Variants in LAMB3 observed in about 807,000 individuals in gnomAD.
The protein encoded by LAMB3 is laminin subunit beta 3, also known as laminin subunit beta-3.
In LAMB3, 104 loss-of-function variants were observed where a neutral mutation model predicts 140.3. The ratio of observed to expected loss-of-function variants is 0.74; its 90% CI spans 0.63 to 0.87. The LOEUF (loss-of-function observed/expected upper bound fraction) is 0.87, where lower values mean the gene tolerates loss of function less well. LAMB3 is among the 40% of genes least tolerant of loss of function. The pLI is 0.00. For missense variants in LAMB3, 1,531 were observed against 1,575.2 expected, an observed-to-expected ratio of 0.97 and a Z score of 0.47; for synonymous variants, 592 against 602.9, an observed-to-expected ratio of 0.98 and a Z score of 0.26.
chr1:209,649,839 C>T, intron 3 of LAMB3, 125 bp downstream of exon 3: 1 of 1,082,310 alleles, frequency 9.2e-7, no homozygotes, highest in Non-Finnish European at 1.4e-6. Context: ...TTACTGCACT[C>T]CCCAGTCCGT....
intron 9 of LAMB3, 106 bp downstream of exon 9, chr1:209,630,509 A>T (rs763425481): frequency 6.3e-6 from 8 of 1,275,294 alleles, no homozygotes; most frequent in Non-Finnish European, 4.5e-6. Flanking sequence ...TTAGATTTAC[A>T]TAAGAAAGAC....
Position 209,625,915 on chromosome 1 carries a change from C to G in LAMB3, c.1709G>C (p.Gly570Ala). ...TGPRCDQCQR[G>A]YCNRYPVCVA... is the part of the protein sequence containing the mutation. ...GCACACCGGGTAGCGATTACAGTAG[C>G]CTCGCTGGCACTGGTCACAGCGGGG... is the stretch of plus-strand genomic sequence containing the variant. The change falls in exon 14 of 23, where the codon GGC (glycine) becomes GCC (alanine). Residue 570 changes from glycine (G) to alanine (A), a missense_variant. Coordinates refer to ENST00000356082, the MANE Select transcript of LAMB3 (RefSeq NM_000228.3). 1.9e-6 allele frequency: 3 copies of G among 1,613,832 alleles called. No individual in the cohort carries two copies. The highest frequency in any genetic ancestry group is 2.5e-6 in the Non-Finnish European group (3 of 1,179,898).
intron 13 of LAMB3, 91 bp downstream of exon 13, chr1:209,626,776 G>A: frequency 1.1e-6 from 1 of 894,376 alleles, no homozygotes; most frequent in South Asian, 1.4e-5. Flanking sequence ...AGGACATCCT[G>A]CCCTGCTGCA....
Position 209,627,576 on chromosome 1 carries a change from C to T in LAMB3, c.1292G>A (p.Cys431Tyr). The part of the protein sequence containing the change: ...TYANPQGCHR[C>Y]DCNILGSRRD... Reference sequence around the variant, plus strand: ...CCGGGACCCCAGGATGTTGCAGTCACAGCCTGCAGGAGGAGAGCTGCTGAG... The same window carrying T: ...CCGGGACCCCAGGATGTTGCAGTCATAGCCTGCAGGAGGAGAGCTGCTGAG... The change falls in exon 12 of 23, where the codon TGT becomes TAT. Residue 431 changes from cysteine (C) to tyrosine (Y), a missense_variant. Coordinates refer to ENST00000356082, the MANE Select transcript of LAMB3 (RefSeq NM_000228.3). 1.2e-6 allele frequency: 2 copies of T among 1,613,870 alleles called. No individual in the cohort carries two copies. The highest frequency in any genetic ancestry group is 1.7e-6 in the Non-Finnish European group (2 of 1,179,892).
At chr1:209,618,899 T>C (rs59815577) in intron 18 of LAMB3, 26,035 of 573,986 alleles carry the variant, frequency 0.045, 1,743 homozygotes, top group East Asian at 0.27. Context: ...AGGAGGGGTG[T>C]CGTCACAGCT....
At chr1:209,637,340 T>TAAAA (rs1666926837) in intron 5 of LAMB3, among the ~76,000 whole-genome samples, 1 of 152,138 alleles carries the variant, frequency 6.6e-6, no homozygotes, top group Admixed American at 6.5e-5. Flanking sequence ...GTAGAAAGAA[T>TAAAA]AAAACCAAAT....
At chr1:209,645,541 C>A (rs1395860113) in intron 3 of LAMB3, among the ~76,000 whole-genome samples, 2 of 151,956 alleles carry the variant, frequency 1.3e-5, no homozygotes, top group Admixed American at 1.3e-4. Flanking sequence ...CATGGTGAAA[C>A]CCTGTCTCTA....
rs113063967 is a variant in LAMB3, at chr1:209,632,627, C to A, written c.778G>T (p.Ala260Ser). The A allele has an allele frequency of 6.2e-7, 1 of 1,613,976 alleles. No homozygotes were observed. The highest frequency in any genetic ancestry group is 8.5e-7 in the Non-Finnish European group (1 of 1,179,962). ...CCTGCAGAGGCCCCAGGCTTGGGTG[C>A]GCAGCGATCAGCATGGCCGTGACAG... ...CFCHGHADRC[A>S]PKPGASAGPS... The change falls in exon 8 of 23, where the codon GCA (alanine) becomes TCA (serine). Residue 260 changes from alanine to serine, a missense_variant. Physicochemically the swap from Ala to Ser is moderately conservative, Grantham distance 99. Coordinates refer to ENST00000356082, the MANE Select transcript of LAMB3 (RefSeq NM_000228.3).
chr1:209,622,003 G>A (rs989176755), intron 18 of LAMB3, among the ~76,000 whole-genome samples: 7 of 152,200 alleles, frequency 4.6e-5, no homozygotes, highest in East Asian at 1.9e-4. Flanking sequence ...CAAACAGATC[G>A]GATGGTCAGG....
chr1:209,623,859 T>A lies in LAMB3; in HGVS notation c.2118A>T (p.Ile706=), dbSNP rs761816760. The change falls in exon 15 of 23, where the codon ATA becomes ATT. Residue 706 remains isoleucine, a synonymous_variant. Transcript: ENST00000356082. The surrounding 1 kb of genome is among the most constrained non-coding windows in gnomAD (Gnocchi z 4.2). The stretch of plus-strand genomic sequence containing the variant: ...CCTCACCTGAAGGATCAGCACTGCT[T>A]ATTTTTTCAAACTGCTCCCTCTTCC... ...YQRKREQFEK[I]SSADPSGAFR... is the part of the protein sequence containing the mutation. 1 of 1,614,204 alleles carries A rather than the reference T, an allele frequency of 6.2e-7. No individual in the cohort carries two copies.
chr1:209,635,991 C>T (rs1666882250), intron 5 of LAMB3, among the ~76,000 whole-genome samples: 1 of 152,202 alleles, frequency 6.6e-6, no homozygotes, highest in South Asian at 2.1e-4. Context: ...TGGGTTCCCT[C>T]TCATCTTTTG....
chr1:209,622,830 G>GAAA, intron 17 of LAMB3, 150 bp from the exon 18 acceptor site: 1 of 1,355,740 alleles, frequency 7.4e-7, no homozygotes, highest in Non-Finnish European at 1.0e-6. Flanking sequence ...CAGTAAAAGA[G>GAAA]AAAAAAAACT....
Position 209,622,538 on chromosome 1 carries a change from G to A in LAMB3, c.2699C>T (p.Thr900Ile). 8 of 1,613,812 alleles carry A rather than the reference G, an allele frequency of 5.0e-6. No individual in the cohort carries two copies. The highest frequency in any genetic ancestry group is 6.8e-6 in the Non-Finnish European group (8 of 1,179,974). Reference sequence around the variant, plus strand: ...GGTGGGGTGGAGACTGGGCTCACCTGTTAGGAAGTCCCGGACCTGCTGGAT... The same window carrying A: ...GGTGGGGTGGAGACTGGGCTCACCTATTAGGAAGTCCCGGACCTGCTGGAT... ...LLIQQVRDFL[T>I]DPDTDAATIQ... Residue 900 changes from threonine to isoleucine, a missense_variant and splice_region_variant, in exon 18 of 23, where the codon ACA becomes ATA. Transcript: ENST00000356082.
At chr1:209,633,247 G>C in intron 6 of LAMB3, 114 bp from the exon 7 acceptor site, 1 of 787,044 alleles carries the variant, frequency 1.3e-6, no homozygotes, top group Non-Finnish European at 2.3e-6. Context: ...TTGTTACCTG[G>C]AACCTGAGAT....
In LAMB3 at chr1:209,626,864, C is replaced by A. The variant is rs1666475908; in HGVS notation, c.1597+3G>T. 1 of 1,611,138 alleles carries A rather than the reference C, an allele frequency of 6.2e-7. No homozygotes were observed. Among genetic ancestry groups the A allele is most frequent in the Non-Finnish European group, 8.5e-7 (1 of 1,177,710 alleles). The stretch of plus-strand genomic sequence containing the variant: ...CAGCGTCCCCCAGGCTTTGAGCATG[C>A]ACCTCGGCATCCTGTGGCCACGTCT... On this transcript the variant is annotated splice_donor_region_variant and intron_variant, in intron 13 of 22. Coordinates refer to ENST00000356082, the MANE Select transcript of LAMB3 (RefSeq NM_000228.3).
chr1:209,618,025 C>G lies in LAMB3; in HGVS notation c.2933G>C (p.Gly978Ala), dbSNP rs138748613. The change falls in exon 20 of 23, where the codon GGC (glycine) becomes GCC (alanine). Residue 978 changes from glycine to alanine, a missense_variant. Gly to Ala is a moderately conservative substitution (Grantham distance 60, BLOSUM62 0). Coordinates refer to ENST00000356082, the MANE Select transcript of LAMB3 (RefSeq NM_000228.3). ...EARSRAHAVE[G>A]QVEDVVGNLR... ...GTTCCCAACCACATCTTCCACCTGG[C>G]CCTCCACTGCATGGGCTCGGCTCCT... 3.8e-4 allele frequency: 606 copies of G among 1,614,170 alleles called. 2 individuals carry two copies. The Admixed American group carries it at 9.4e-3, about 25-fold the overall frequency.
rs186003100 is a variant in LAMB3 at position 209,621,672 on chromosome 1, G to A, written c.2701+864C>T. ...TGAAATACTACCGTCCCCATTTATAGAAGCAAAAGATGAGGCAAAGAGAAA... is the reference window on the plus strand; with the variant it reads ...TGAAATACTACCGTCCCCATTTATAAAAGCAAAAGATGAGGCAAAGAGAAA... On this transcript the variant is annotated intron_variant, in intron 18 of 22. Transcript: ENST00000356082. 1.3e-4 allele frequency among the ~76,000 whole-genome samples: 20 copies of A among 152,274 alleles called. No individual in the cohort carries two copies. In the East Asian group the frequency reaches 2.9e-3, roughly 22 times the overall value.
chr1:209,630,490 C>G, intron 9 of LAMB3, 125 bp downstream of exon 9: 1 of 1,085,926 alleles, frequency 9.2e-7, no homozygotes, highest in Non-Finnish European at 1.4e-6. Flanking sequence ...TGTAATGGTG[C>G]AATTCAGTTT....
chr1:209,620,026 A>G (rs1415385655), intron 18 of LAMB3, among the ~76,000 whole-genome samples: 1 of 152,218 alleles, frequency 6.6e-6, no homozygotes, highest in Non-Finnish European at 1.5e-5. Flanking sequence ...ACAAGGCTTC[A>G]TGTGCACCTT....
Sources: gnomAD v4.1 joint callset for allele counts (sites outside exome capture counted in the v4.1 genomes callset) on GRCh38, gnomAD v4.1.1 for gene constraint, Gnocchi (gnomAD v3.1) non-coding constraint, MANE v1.5 for transcripts, NCBI Gene and HGNC (gene_info 2026-07-23, HGNC 2026-07-21) for gene names.